Variants in CELF2 observed in about 807,000 individuals in gnomAD.
CELF2 encodes the protein CUGBP Elav-like family member 2, also known as CUG triplet repeat RNA-binding protein 2.
CELF2 carries 8 observed loss-of-function variants against 62.6 expected under a neutral mutation model. The observed-to-expected ratio is 0.13, with a 90% CI of 0.07 to 0.23. The LOEUF is 0.23. CELF2 is among the 10% of genes least tolerant of loss of function. CELF2 has a pLI of 1.00. For missense variants in CELF2, 333 were observed against 671.0 expected, an observed-to-expected ratio of 0.50 and a Z score of 5.56; for synonymous variants, 258 against 250.0, an observed-to-expected ratio of 1.03 and a Z score of -0.30.
intron 2 of CELF2, among the ~76,000 whole-genome samples, chr10:10,933,211 G>C (rs547718957): frequency 4.6e-5 from 7 of 152,216 alleles, no homozygotes; most frequent in African/African-American, 1.7e-4. Context: ...GCTGAGGTGG[G>C]AGGATCTCTT....
At position 11,220,908 on chromosome 10, in the gene CELF2, A is replaced by T. The variant is rs1002007645; in HGVS notation, c.354+3401A>T. Among the ~76,000 whole-genome samples the T allele has an allele frequency of 2.0e-5, 3 of 152,272 alleles. No individual in the cohort carries two copies. The highest frequency in any genetic ancestry group is 4.4e-5 in the Non-Finnish European group (3 of 68,052). On this transcript the variant is annotated intron_variant, in intron 3 of 12. Transcript: ENST00000633077. This position sits in a 1 kb window ranked among gnomAD's most constrained non-coding sequence, Gnocchi z 4.4. ...TAGCTCTAAGCTAGGTATTGGCAGG[A>T]AGTAGCAGGGATCGAGCCCAAGGGG...
At chr10:10,703,885 G>A in the CELF2 span, among the ~76,000 whole-genome samples, 55 of 152,170 alleles carry the variant, frequency 3.6e-4, no homozygotes, top group Non-Finnish European at 7.2e-4. Flanking sequence ...AATCAATACA[G>A]CAGTGTAGTA....
rs193036750 is a variant in CELF2 at position 11,288,173 on chromosome 10, G to T, written c.842-245G>T. Among the ~76,000 whole-genome samples the T allele has an allele frequency of 1.5e-3, 223 of 152,348 alleles. 1 individual carries two copies. Among genetic ancestry groups the T allele is most frequent in the South Asian group, 8.3e-4 (4 of 4,830 alleles). On this transcript the variant is annotated intron_variant, in intron 8 of 12. Transcript: ENST00000633077. ...CAGGCTCTGCCAGGGAGAACTACGG[G>T]GTGGGATTCAGGCTCCTTTCTGGGT...
At chr10:10,764,115 G>A in the CELF2 span, among the ~76,000 whole-genome samples, 1 of 152,234 alleles carries the variant, frequency 6.6e-6, no homozygotes, top group Non-Finnish European at 1.5e-5. Context: ...ATTCAGACGG[G>A]AAGGAAAGGA....
intron 2 of CELF2, among the ~76,000 whole-genome samples, chr10:10,975,605 T>C (rs567065924): frequency 1.3e-5 from 2 of 152,236 alleles, no homozygotes; most frequent in Non-Finnish European, 2.9e-5. Flanking sequence ...ATTTGTGATA[T>C]TCACAGACAC....
At chr10:11,073,063 A>C (rs1050745088) in intron 1 of CELF2, among the ~76,000 whole-genome samples, 3 of 152,170 alleles carry the variant, frequency 2.0e-5, no homozygotes, top group African/African-American at 4.8e-5. Context: ...AAATACAATT[A>C]TGATAAATAT....
At chr10:11,080,627 G>A (rs1053037496) in intron 1 of CELF2, among the ~76,000 whole-genome samples, 2 of 152,230 alleles carry the variant, frequency 1.3e-5, no homozygotes, top group Non-Finnish European at 1.5e-5. Flanking sequence ...CACTCATTCT[G>A]TGAGAAGATA....
intron 1 of CELF2, among the ~76,000 whole-genome samples, chr10:11,096,930 C>A (rs1403225417): frequency 6.6e-6 from 1 of 152,144 alleles, no homozygotes; most frequent in Non-Finnish European, 1.5e-5. Context: ...TAACCCACTC[C>A]TCCTCCTCCT....
At chr10:11,251,674 G>A (rs1017917897) in intron 4 of CELF2, among the ~76,000 whole-genome samples, 2 of 152,110 alleles carry the variant, frequency 1.3e-5, no homozygotes, top group African/African-American at 4.8e-5. Context: ...CAGCATCAGT[G>A]TCTCTTCAGC....
chr10:11,265,567 TCA>T (rs780654250), intron 5 of CELF2, among the ~76,000 whole-genome samples: 34 of 152,358 alleles, frequency 2.2e-4, no homozygotes, highest in Non-Finnish European at 4.0e-4. Flanking sequence ...TGCATTAATT[TCA>T]CAGTCTTTTT....
At chr10:10,992,551 C>T (rs968156158) in intron 2 of CELF2, among the ~76,000 whole-genome samples, 1 of 152,138 alleles carries the variant, frequency 6.6e-6, no homozygotes, top group Non-Finnish European at 1.5e-5. Flanking sequence ...CAATCTAACA[C>T]AAAATTTGTG....
rs755054939 is a variant in CELF2 at position 11,224,062 on chromosome 10, C to T, written c.354+6555C>T. 3.9e-5 allele frequency among the ~76,000 whole-genome samples: 6 copies of T among 152,062 alleles called. No individual in the cohort carries two copies. Among genetic ancestry groups the T allele is most frequent in the South Asian group, 2.1e-4 (1 of 4,824 alleles). On this transcript the variant is annotated intron_variant, in intron 3 of 12. Coordinates refer to ENST00000633077, the MANE Select transcript of CELF2 (RefSeq NM_001326342.2). The surrounding 1 kb of genome is among the most constrained non-coding windows in gnomAD (Gnocchi z 4.5). ...AGTTATTTTTAAAGCATGGCCTACT[C>T]GGTATAAGGAATTGTACGAGAGAAA...
intron 1 of CELF2, among the ~76,000 whole-genome samples, chr10:10,898,393 G>A (rs985640): frequency 0.52 from 79,140 of 152,010 alleles, 21,253 homozygotes; most frequent in East Asian, 0.76. Flanking sequence ...TCTATTGCTT[G>A]TGCCACCTAT....
intron 1 of CELF2, among the ~76,000 whole-genome samples, chr10:10,866,067 G>C (rs1228230484): frequency 1.3e-5 from 2 of 152,078 alleles, no homozygotes; most frequent in Non-Finnish European, 2.9e-5. Context: ...TGTTCACACT[G>C]GTCCAGGAAG....
At chr10:10,572,791 T>C in the CELF2 span, among the ~76,000 whole-genome samples, 1 of 152,238 alleles carries the variant, frequency 6.6e-6, no homozygotes, top group African/African-American at 2.4e-5. Context: ...TCCATGTCTT[T>C]TCTATTGTGA....
the CELF2 span, among the ~76,000 whole-genome samples, chr10:10,628,147 C>G: frequency 6.6e-6 from 1 of 152,146 alleles, no homozygotes; most frequent in African/African-American, 2.4e-5. Flanking sequence ...AGGTAATCCC[C>G]CCTGCCTTGG....
intron 1 of CELF2, among the ~76,000 whole-genome samples, chr10:11,022,263 C>T (rs1196220748): frequency 2.0e-5 from 3 of 152,048 alleles, no homozygotes; most frequent in Admixed American, 1.3e-4. Context: ...AGCTGCTTTC[C>T]GAGAGGAAGA....
At chr10:10,844,270 G>A (rs1427657608) in intron 1 of CELF2, among the ~76,000 whole-genome samples, 3 of 151,966 alleles carry the variant, frequency 2.0e-5, no homozygotes, top group African/African-American at 4.8e-5. Context: ...CCTGTCCCAT[G>A]AAGTTCCTTT....
intron 2 of CELF2, among the ~76,000 whole-genome samples, chr10:10,953,862 T>A (rs2048589681): frequency 6.6e-6 from 1 of 151,660 alleles, no homozygotes; most frequent in Non-Finnish European, 1.5e-5. Flanking sequence ...TTGTAATTCC[T>A]CTATTTCATA....
Sources: allele counts gnomAD v4.1 joint callset (sites outside exome capture counted in the v4.1 genomes callset), GRCh38; gene constraint gnomAD v4.1.1; non-coding constraint Gnocchi (gnomAD v3.1); transcripts MANE v1.5; gene names NCBI Gene and HGNC (gene_info 2026-07-23, HGNC 2026-07-21).